The following SLX4 variants were observed in gnomAD, a reference collection of about 807,000 sequenced individuals.
The protein encoded by SLX4 is SLX4 structure-specific endonuclease subunit.
In SLX4, 112 loss-of-function variants were observed where a neutral mutation model predicts 146.2. The observed-to-expected ratio is 0.77, with a 90% confidence interval of 0.66 to 0.90. SLX4 has a LOEUF of 0.90. SLX4 is among the 40% of genes least tolerant of loss of function. The pLI is 0.00. For missense variants in SLX4, 2,563 were observed against 2,392.7 expected (o/e 1.07, Z -1.49); for synonymous variants, 1,061 against 997.7 (o/e 1.06, Z -1.20).
At position 3,602,135 on chromosome 16, in the gene SLX4, C is replaced by T. The variant is rs2040733952; in HGVS notation, c.933G>A (p.Arg311=). 6.2e-7 allele frequency: 1 copy of T among 1,614,148 alleles called. No individual in the cohort carries two copies. The highest frequency in any genetic ancestry group is 1.3e-5 in the African/African-American group (1 of 75,036). ...GCCCCCACCTGTTCACATGCTGTTC[C>T]CTTCGGGTCACGTTCATGGCTGAGA... ...KNLSAMNVTR[R]EQHVNRCLDE... is the part of the protein sequence containing the mutation. The change falls in exon 4 of 15, where the codon AGG becomes AGA. Residue 311 remains arginine (R), a synonymous_variant. Transcript: ENST00000294008.
At position 3,590,568 on chromosome 16, in the gene SLX4, G is replaced by C. The variant is rs2040574419; in HGVS notation, c.3070C>G (p.Pro1024Ala). 6.2e-7 allele frequency: 1 copy of C among 1,612,454 alleles called. No homozygotes were observed. The highest frequency in any genetic ancestry group is 1.3e-5 in the African/African-American group (1 of 74,908). ...RGLEVSHRLA[P>A]WQASPPHPCR... ...GGGTGCGGTGGAGATGCCTGCCAGG[G>C]AGCCAGGCGATGAGAAACCTCCAGC... Residue 1024 changes from proline (P) to alanine (A), a missense_variant, in exon 12 of 15, where the codon CCC (proline) becomes GCC (alanine). Physicochemically the swap from Pro to Ala is conservative, Grantham distance 27 (BLOSUM62 -1). Coordinates refer to ENST00000294008, the MANE Select transcript of SLX4 (RefSeq NM_032444.4). The surrounding 1 kb of genome is among the most constrained non-coding windows in gnomAD (Gnocchi z 4.8).
intron 5 of SLX4, 179 bp downstream of exon 5, chr16:3,600,800 C>G: frequency 1.6e-6 from 1 of 628,054 alleles, no homozygotes; most frequent in Non-Finnish European, 2.8e-6. Context: ...TGTACCATGT[C>G]GGCCAGGCTG....
intron 12 of SLX4, among the ~76,000 whole-genome samples, chr16:3,587,550 G>A (rs984040834): frequency 2.0e-5 from 3 of 152,142 alleles, no homozygotes; most frequent in East Asian, 1.9e-4. Context: ...CGATGAAAGC[G>A]GCAGGCTCTG....
chr16:3,590,871 T>A lies in SLX4; in HGVS notation c.2767A>T (p.Met923Leu), dbSNP rs573280243. The change falls in exon 12 of 15, where the codon ATG becomes TTG. Residue 923 changes from methionine (M) to leucine (L), a missense_variant. Coordinates refer to ENST00000294008, the MANE Select transcript of SLX4 (RefSeq NM_032444.4). The surrounding 1 kb of genome is among the most constrained non-coding windows in gnomAD (Gnocchi z 4.8). Reference protein sequence around the residue: ...RDEAATTWEKMGQCALPPPQG... With the variant: ...RDEAATTWEKLGQCALPPPQG... ...GGTGGCGGGAGAGCGCACTGTCCCA[T>A]CTTCTCCCAGGTGGTGGCGGCCTCA... 4.3e-6 allele frequency: 7 copies of A among 1,614,058 alleles called. No homozygotes were observed. In the East Asian group the frequency reaches 1.6e-4, roughly 36 times the overall value.
chr16:3,608,738 G>C lies in SLX4; in HGVS notation c.227C>G (p.Thr76Arg). Residue 76 changes from threonine (T) to arginine (R), a missense_variant, in exon 2 of 15, where the codon ACA becomes AGA. Thr to Arg is a moderately conservative substitution (Grantham distance 71). Transcript: ENST00000294008. ...AGTGCCGTTTGAGGCAGCCTTTTGTGTCTTCCTTTCTCCTGACACTTCCTT... is the reference window on the plus strand; with the variant it reads ...AGTGCCGTTTGAGGCAGCCTTTTGTCTCTTCCTTTCTCCTGACACTTCCTT... ...GIKEVSGERK[T>R]QKAASNGTQI... 1 of 1,614,184 alleles carries C rather than the reference G, an allele frequency of 6.2e-7. No individual in the cohort carries two copies. The highest frequency in any genetic ancestry group is 1.1e-5 in the South Asian group (1 of 91,082).
chr16:3,601,584 A>G (rs528246750), intron 4 of SLX4: 2 of 336,998 alleles, frequency 5.9e-6, no homozygotes, highest in Non-Finnish European at 1.1e-5. Flanking sequence ...AACCATGGTC[A>G]TATTCCTCAT....
chr16:3,590,315 T>G lies in SLX4; in HGVS notation c.3323A>C (p.Glu1108Ala). ...CATCAGGACCCCCTTATTTCTGCACTCCAGCACGGACCGACGCTCTTTGCC... is the reference window on the plus strand; with the variant it reads ...CATCAGGACCCCCTTATTTCTGCACGCCAGCACGGACCGACGCTCTTTGCC... ...QKGKERRSVL[E>A]CRNKGVLMFP... is the part of the protein sequence containing the mutation. Residue 1108 changes from glutamate (E) to alanine (A), a missense_variant, in exon 12 of 15, where the codon GAG (glutamate) becomes GCG (alanine). By Grantham distance (107) the Glu-to-Ala change is moderately radical. Coordinates refer to ENST00000294008, the MANE Select transcript of SLX4 (RefSeq NM_032444.4). This position sits in a 1 kb window ranked among gnomAD's most constrained non-coding sequence, Gnocchi z 4.8. 1 of 1,614,196 alleles carries G rather than the reference T, an allele frequency of 6.2e-7. No individual in the cohort carries two copies. Among genetic ancestry groups the G allele is most frequent in the Non-Finnish European group, 8.5e-7 (1 of 1,180,030 alleles).
At chr16:3,601,880 G>A in intron 4 of SLX4, 1 of 512,274 alleles carries the variant, frequency 2.0e-6, no homozygotes, top group Non-Finnish European at 3.6e-6. Context: ...AGTGATTGTG[G>A]TGACAGTTGC....
In SLX4 at chr16:3,608,979, A is replaced by C; in HGVS notation, c.-15T>G. On this transcript the variant is annotated 5_prime_UTR_variant, in exon 2 of 15. It removes the in-frame stop codon of an upstream open reading frame in the 5' UTR. Transcript: ENST00000294008. ...CTCAGTTTCATTAGGGTTCTTCTCT[A>C]CTTCTCCATTAGATACTTGGAGAGT... is the stretch of plus-strand genomic sequence containing the variant. 1 of 1,610,708 alleles carries C rather than the reference A, an allele frequency of 6.2e-7. No homozygotes were observed. The highest frequency in any genetic ancestry group is 8.5e-7 in the Non-Finnish European group (1 of 1,179,844).
chr16:3,600,665 A>G (rs933415467), intron 5 of SLX4: 3 of 320,670 alleles, frequency 9.4e-6, no homozygotes, highest in African/African-American at 5.5e-5. Context: ...CAGTGGTACG[A>G]TCTTGGCTCA....
chr16:3,584,529 G>T (rs1334398183), intron 13 of SLX4, among the ~76,000 whole-genome samples: 4 of 152,154 alleles, frequency 2.6e-5, no homozygotes, highest in Admixed American at 1.3e-4. Flanking sequence ...CACGAATCCT[G>T]TGTGTTGCCT....
chr16:3,601,897 G>T (rs2040730936), intron 4 of SLX4: 1 of 549,124 alleles, frequency 1.8e-6, no homozygotes, highest in Non-Finnish European at 3.3e-6. Context: ...TTGCCCAACT[G>T]TGTGAATATC....
At position 3,608,424 on chromosome 16, in the gene SLX4, A is replaced by G. The variant is rs1357253371; in HGVS notation, c.535+6T>C. On this transcript the variant is annotated splice_donor_region_variant and intron_variant, in intron 2 of 14. Coordinates refer to ENST00000294008, the MANE Select transcript of SLX4 (RefSeq NM_032444.4). Reference sequence around the variant, plus strand: ...CCAGCCCCTGGTTTAAAAGAGTACAAATTACCTCTGGTTTTCTCTCTGGAA... The same window carrying G: ...CCAGCCCCTGGTTTAAAAGAGTACAGATTACCTCTGGTTTTCTCTCTGGAA... The G allele has an allele frequency of 1.9e-6, 3 of 1,614,066 alleles. No homozygotes were observed. Among genetic ancestry groups the G allele is most frequent in the South Asian group, 2.2e-5 (2 of 91,078 alleles).
At position 3,606,502 on chromosome 16, in the gene SLX4, A is replaced by T; in HGVS notation, c.732T>A (p.Asp244Glu). Residue 244 changes from aspartate to glutamate, a missense_variant, in exon 3 of 15, where the codon GAT (aspartate) becomes GAA (glutamate). By Grantham distance (45) the Asp-to-Glu change is conservative. Transcript: ENST00000294008. ...TCCCCGCCATCATCTCCTCTTGAGG[A>T]TCCTTTGGGACATTTTCTTCCCGCG... ...EAAREENVPK[D>E]PQEEMMAGNV... 6.2e-7 allele frequency: 1 copy of T among 1,614,182 alleles called. No homozygotes were observed. The highest frequency in any genetic ancestry group is 8.5e-7 in the Non-Finnish European group (1 of 1,180,038).
rs1318872851 is a variant in SLX4 at position 3,595,622 on chromosome 16, T to C, written c.1996A>G (p.Arg666Gly). Residue 666 changes from arginine to glycine, a missense_variant, in exon 9 of 15, where the codon AGG (arginine) becomes GGG (glycine). Coordinates refer to ENST00000294008, the MANE Select transcript of SLX4 (RefSeq NM_032444.4). ...VVPSQDKHPD[R>G]GGRTLLSLGL... Reference sequence around the variant, plus strand: ...GTTCTTACCAAGGTGCGGCCGCCCCTGTCCGGGTGCTTGTCCTGCGATGGC... The same window carrying C: ...GTTCTTACCAAGGTGCGGCCGCCCCCGTCCGGGTGCTTGTCCTGCGATGGC... 6.2e-7 allele frequency: 1 copy of C among 1,613,976 alleles called. No homozygotes were observed. The highest frequency in any genetic ancestry group is 8.5e-7 in the Non-Finnish European group (1 of 1,180,022).
At chr16:3,595,740 A>G (rs1031910300) in intron 8 of SLX4, 47 bp from the exon 9 acceptor site, 8 of 1,599,088 alleles carry the variant, frequency 5.0e-6, no homozygotes, top group East Asian at 4.5e-5. Context: ...GCCCAGCCAC[A>G]TCCACCACCA....
chr16:3,591,695 C>G (rs1425607867), intron 11 of SLX4, among the ~76,000 whole-genome samples: 1 of 152,088 alleles, frequency 6.6e-6, no homozygotes, highest in Non-Finnish European at 1.5e-5. Context: ...CTTTGGGAAG[C>G]CGAGGATCAC....
chr16:3,589,297 G>T lies in SLX4; in HGVS notation c.4341C>A (p.Gly1447=), dbSNP rs1252866739. 1.3e-6 allele frequency: 2 copies of T among 1,586,460 alleles called. No individual in the cohort carries two copies. Among genetic ancestry groups the T allele is most frequent in the East Asian group, 2.2e-5 (1 of 44,616 alleles). The change falls in exon 12 of 15, where the codon GGC becomes GGA. Residue 1447 remains glycine (G), a synonymous_variant. Transcript: ENST00000294008. This position sits in a 1 kb window ranked among gnomAD's most constrained non-coding sequence, Gnocchi z 6.2. ...GGCTGGGGCTGCTGGTGCTCAGGGG[G>T]CCGGTCCGCTCCAGGTTCCAGTGGT... ...PIDHWNLERT[G]PLSTSSPSRR...
At position 3,596,306 on chromosome 16, in the gene SLX4, G is replaced by T. The variant is rs964464174; in HGVS notation, c.1771C>A (p.Pro591Thr). 1.3e-6 allele frequency: 2 copies of T among 1,576,504 alleles called. No individual in the cohort carries two copies. Among genetic ancestry groups the T allele is most frequent in the African/African-American group, 1.3e-5 (1 of 74,310 alleles). ...ERRSPALHGT[P>T]TAGCGSRGPS... ...CCCCTGGAGCCACAGCCTGCAGTGG[G>T]GGTGCCGTGGAGAGCGGGTGACCTT... The change falls in exon 8 of 15, where the codon CCC becomes ACC. Residue 591 changes from proline (P) to threonine (T), a missense_variant. By Grantham distance (38) the Pro-to-Thr change is conservative. Coordinates refer to ENST00000294008, the MANE Select transcript of SLX4 (RefSeq NM_032444.4).
Sources: gnomAD v4.1 joint callset for allele counts (sites outside exome capture counted in the v4.1 genomes callset) on GRCh38, gnomAD v4.1.1 for gene constraint, Gnocchi (gnomAD v3.1) non-coding constraint, MANE v1.5 for transcripts, NCBI Gene and HGNC (gene_info 2026-07-23, HGNC 2026-07-21) for gene names.